The following ZNF207 variants were observed in gnomAD, a reference collection of about 807,000 sequenced individuals.
ZNF207 encodes the protein BUB3-interacting and GLEBS motif-containing protein ZNF207.
Under a neutral mutation model 60.2 loss-of-function variants are expected in ZNF207, and 24 were observed. That is an observed-to-expected ratio of 0.40 (90% confidence interval 0.29 to 0.56). ZNF207 has a LOEUF of 0.56. Ranked by LOEUF, ZNF207 falls within the 20% of genes least tolerant of loss-of-function variation. ZNF207 has a pLI of 0.49. For missense variants in ZNF207, 452 were observed against 636.6 expected (o/e 0.71, Z 3.12); for synonymous variants, 236 against 194.7 (o/e 1.21, Z -1.77).
intron 9 of ZNF207, 132 bp from the exon 10 acceptor site, chr17:32,367,640 T>A: frequency 1.6e-6 from 2 of 1,233,004 alleles, no homozygotes; most frequent in East Asian, 4.9e-5. Flanking sequence ...GTTTATCACA[T>A]TAACTTTGTA....
chr17:32,367,282 T>TATATAAAA (rs1445385221), intron 9 of ZNF207, among the ~76,000 whole-genome samples: 59 of 82,830 alleles, frequency 7.1e-4, no homozygotes, highest in African/African-American at 8.6e-4. Context: ...TATATATATA[T>TATATAAAA]ATAAAGAATA....
In ZNF207 at chr17:32,350,193, T is replaced by G. The variant is rs1406751977; in HGVS notation, c.-93T>G. On this transcript the variant is annotated 5_prime_UTR_variant, in exon 1 of 12. Transcript: ENST00000394670. ...TGTGTCTGCTTCCTGTGGGACGTGGTGGTAGCCGTTGGGTTGGGAAAGTGA... is the reference window on the plus strand; with the variant it reads ...TGTGTCTGCTTCCTGTGGGACGTGGGGGTAGCCGTTGGGTTGGGAAAGTGA... 6 of 1,569,052 alleles carry G rather than the reference T, an allele frequency of 3.8e-6. No homozygotes were observed. The highest frequency in any genetic ancestry group is 5.3e-6 in the Non-Finnish European group (6 of 1,140,444).
In ZNF207 at chr17:32,375,755, T is replaced by G. The variant is rs1191165464; in HGVS notation, c.*5996T>G. On this transcript the variant is annotated 3_prime_UTR_variant, in exon 12 of 12. Transcript: ENST00000394670. The stretch of plus-strand genomic sequence containing the variant: ...TAAAAGGTTGTCATTATTGACCTAA[T>G]ATTGAGTAATCTTTCTGCGTTATTC... The G allele has an allele frequency of 1.3e-5, 2 of 152,168 alleles. No individual in the cohort carries two copies. Among genetic ancestry groups the G allele is most frequent in the Admixed American group, 1.3e-4 (2 of 15,282 alleles). 9.4% of individuals were successfully genotyped at this position (152,168 alleles called of 1,614,324 possible). A position where few individuals can be genotyped will look rare whatever the true frequency, so the allele number is the denominator to read the frequency against.
chr17:32,352,894 C>CGGCTGGGCGCGGT (rs1385821627), intron 2 of ZNF207, among the ~76,000 whole-genome samples: 3 of 152,184 alleles, frequency 2.0e-5, no homozygotes, highest in Non-Finnish European at 4.4e-5. Flanking sequence ...TTCTAGGTTT[C>CGGCTGGGCGCGGT]GGCTGGGCGC....
intron 6 of ZNF207, 71 bp downstream of exon 6, chr17:32,361,586 T>C (rs1904883530): frequency 6.9e-7 from 1 of 1,452,210 alleles, no homozygotes; most frequent in South Asian, 1.3e-5. Flanking sequence ...GTGTGTTTAA[T>C]GGTATCTATT....
In ZNF207 at chr17:32,350,304, A is replaced by C; in HGVS notation, c.19A>C (p.Lys7Gln). The C allele has an allele frequency of 1.2e-6, 2 of 1,614,156 alleles. No homozygotes were observed. The highest frequency in any genetic ancestry group is 1.7e-6 in the Non-Finnish European group (2 of 1,180,032). MGRKKK[K>Q]QLKPWCWYCN... Reference sequence around the variant, plus strand: ...CACAGTTATGGGTCGCAAGAAGAAGAAGCAGCTGAAGCCGTGGTGCTGGTA... The same window carrying C: ...CACAGTTATGGGTCGCAAGAAGAAGCAGCAGCTGAAGCCGTGGTGCTGGTA... The change falls in exon 1 of 12, where the codon AAG becomes CAG. Residue 7 changes from lysine to glutamine, a missense_variant. This residue lies in a region of ZNF207 where 62 missense variants were observed against 175.3 expected (regional missense o/e 0.35). Transcript: ENST00000394670.
Position 32,358,310 on chromosome 17 carries a change from T to A in ZNF207, c.169-193T>A, listed in dbSNP as rs1313109277. Among the ~76,000 whole-genome samples, 3 of 152,240 alleles carry A rather than the reference T, an allele frequency of 2.0e-5. No individual in the cohort carries two copies. The East Asian group carries it at 5.8e-4, about 29-fold the overall frequency. On this transcript the variant is annotated intron_variant, in intron 2 of 11. Transcript: ENST00000394670. ...AAACAACTCTAGAAGTTAGCTATTA[T>A]ATAGGTGAAGTAAACTGAGGCTTAG...
rs576898007 is a variant in ZNF207 at position 32,355,009 on chromosome 17, CAA to C, written c.168+3098_168+3099del. On this transcript the variant is annotated intron_variant, in intron 2 of 11. Transcript: ENST00000394670. The stretch of plus-strand genomic sequence containing the variant: ...TTTAGAAGACTTAGAATATTCCAGA[CAA>C]GAGGAGATGGTGACAGAGACCAGAG... Among the ~76,000 whole-genome samples, 315 of 152,212 alleles carry C rather than the reference CAA, an allele frequency of 2.1e-3. 1 individual carries two copies. Among genetic ancestry groups the C allele is most frequent in the Non-Finnish European group, 3.9e-3 (262 of 68,012 alleles).
At chr17:32,353,972 T>C (rs1904346934) in intron 2 of ZNF207, among the ~76,000 whole-genome samples, 1 of 152,154 alleles carries the variant, frequency 6.6e-6, no homozygotes, top group African/African-American at 2.4e-5. Flanking sequence ...TATTGGGTAG[T>C]GTGGATAAGA....
chr17:32,366,713 A>T lies in ZNF207; in HGVS notation c.877A>T (p.Ser293Cys), dbSNP rs372354924. The T allele has an allele frequency of 5.0e-6, 8 of 1,611,824 alleles. No homozygotes were observed. Among genetic ancestry groups the T allele is most frequent in the African/African-American group, 1.3e-5 (1 of 74,774 alleles). Reference protein sequence around the residue: ...SSSTASSNSESLSASSKALFP... With the variant: ...SSSTASSNSECLSASSKALFP... ...AAGTACAGCTTCATCCAATTCAGAA[A>T]GTCTGTCTGCATCTTCTAAAGCTCT... The change falls in exon 9 of 12, where the codon AGT becomes TGT. Residue 293 changes from serine to cysteine, a missense_variant. Ser to Cys is a moderately radical substitution (Grantham distance 112). Transcript: ENST00000394670.
At position 32,365,368 on chromosome 17, in the gene ZNF207, A is replaced by G. The variant is rs767696814; in HGVS notation, c.709A>G (p.Met237Val). 25 of 1,613,958 alleles carry G rather than the reference A, an allele frequency of 1.5e-5. No homozygotes were observed. Among genetic ancestry groups the G allele is most frequent in the South Asian group, 5.5e-5 (5 of 91,076 alleles). Residue 237 changes from methionine (M) to valine (V), a missense_variant, in exon 8 of 12, where the codon ATG becomes GTG. Physicochemically the swap from Met to Val is conservative, Grantham distance 21 (BLOSUM62 1). Transcript: ENST00000394670. The stretch of plus-strand genomic sequence containing the variant: ...TGTTCCACGTCCTGGAATTCCTCCA[A>G]TGACTCAAGCACAGGCTGTTTCAGC... ...PPVPRPGIPP[M>V]TQAQAVSAPG...
chr17:32,361,363 TC>T, intron 5 of ZNF207, 104 bp from the exon 6 acceptor site: 1 of 875,782 alleles, frequency 1.1e-6, no homozygotes, highest in Non-Finnish European at 1.7e-6. Context: ...CTTGTGCCCA[TC>T]ACTTTTACTT....
Position 32,364,314 on chromosome 17 carries a change from G to A in ZNF207, c.671-1016G>A, listed in dbSNP as rs866630819. 3.1e-4 allele frequency among the ~76,000 whole-genome samples: 47 copies of A among 151,582 alleles called. No homozygotes were observed. In the Middle Eastern group the frequency reaches 0.01, roughly 34 times the overall value. ...AATACAGCACAAGGAAAGGGATTTG[G>A]TTGGCCAGCAAGATGTGCCACACGA... is the stretch of plus-strand genomic sequence containing the variant. On this transcript the variant is annotated intron_variant, in intron 7 of 11. Transcript: ENST00000394670.
rs748282866 is a variant in ZNF207 at position 32,375,904 on chromosome 17, C to G, written c.*6145C>G. 16 of 152,056 alleles carry G rather than the reference C, an allele frequency of 1.1e-4. No homozygotes were observed. The highest frequency in any genetic ancestry group is 6.5e-5 in the Admixed American group (1 of 15,276). 9.4% of individuals were successfully genotyped at this position (152,056 alleles called of 1,614,324 possible). On this transcript the variant is annotated 3_prime_UTR_variant, in exon 12 of 12. Coordinates refer to ENST00000394670, the MANE Select transcript of ZNF207 (RefSeq NM_001098507.2). ...ATAAGTAAACATTCCCCCAATTCCA[C>G]TTATGCTAACTGTCTCATGACAGTA...
At chr17:32,362,528 C>T (rs1904946408) in intron 6 of ZNF207, among the ~76,000 whole-genome samples, 1 of 152,252 alleles carries the variant, frequency 6.6e-6, no homozygotes, top group Non-Finnish European at 1.5e-5. Context: ...TCCAACACAA[C>T]TCTGAAATAG....
chr17:32,361,446 A>G, intron 5 of ZNF207, 22 bp from the exon 6 acceptor site: 1 of 1,600,510 alleles, frequency 6.2e-7, no homozygotes, highest in Non-Finnish European at 8.5e-7. Context: ...TTAGATTTTG[A>G]TTTTGTCATA....
Position 32,370,165 on chromosome 17 carries a change from C to A in ZNF207, c.*406C>A, listed in dbSNP as rs1161204415. 6.5e-6 allele frequency: 1 copy of A among 154,530 alleles called. No individual in the cohort carries two copies. The highest frequency in any genetic ancestry group is 1.4e-5 in the Non-Finnish European group (1 of 69,456). 9.6% of individuals were successfully genotyped at this position (154,530 alleles called of 1,614,324 possible). On this transcript the variant is annotated 3_prime_UTR_variant, in exon 12 of 12. Transcript: ENST00000394670. ...TGCTGTTGGACTTCATGTCCCCAAC[C>A]TAGCTTGGTGAGGGCTGTAACTGTT...
Position 32,369,771 on chromosome 17 carries a change from C to A in ZNF207, c.*12C>A. On this transcript the variant is annotated 3_prime_UTR_variant, in exon 12 of 12. Transcript: ENST00000394670. Reference sequence around the variant, plus strand: ...GTGGCCGTTACTGATCTTACTTCATCCAGTCTAATAGGTTTGGAGATTAAA... The same window carrying A: ...GTGGCCGTTACTGATCTTACTTCATACAGTCTAATAGGTTTGGAGATTAAA... 1 of 1,511,230 alleles carries A rather than the reference C, an allele frequency of 6.6e-7. No homozygotes were observed. The allele number at this position is 1,511,230 out of a possible 1,614,324, so 93.6% of individuals were successfully genotyped here. A position where few individuals can be genotyped will look rare whatever the true frequency, so the allele number is the denominator to read the frequency against.
chr17:32,358,087 A>T (rs1351375980), intron 2 of ZNF207, among the ~76,000 whole-genome samples: 1 of 152,172 alleles, frequency 6.6e-6, no homozygotes, highest in East Asian at 1.9e-4. Flanking sequence ...GCTATATTCT[A>T]ATTCTTAATA....
Sources: allele counts gnomAD v4.1 joint callset (sites outside exome capture counted in the v4.1 genomes callset), GRCh38; gene constraint gnomAD v4.1.1; regional missense constraint gnomAD v4.1.1; transcripts MANE v1.5; gene names NCBI Gene and HGNC (gene_info 2026-07-23, HGNC 2026-07-21).